FOXP1: variants seen among roughly 807,000 people sequenced by gnomAD.
FOXP1 encodes forkhead box protein P1.
FOXP1 carries 15 observed loss-of-function variants against 98.2 expected under a neutral mutation model. That is an observed-to-expected ratio of 0.15 (90% CI 0.10 to 0.24). FOXP1 has a LOEUF of 0.24. FOXP1 is among the 10% of genes least tolerant of loss of function. The probability of loss-of-function intolerance (pLI) is 1.00; values close to 1 mark genes in which losing one functional copy is unlikely to be tolerated. For synonymous variants in FOXP1, 371 were observed against 314.5 expected (o/e 1.18, Z -1.90); for missense variants, 633 against 848.5 (o/e 0.75, Z 3.15).
intron 2 of FOXP1, among the ~76,000 whole-genome samples, chr3:71,565,194 G>C (rs2046818394): frequency 6.6e-6 from 1 of 152,156 alleles, no homozygotes; most frequent in Admixed American, 6.5e-5. Flanking sequence ...CCATAGTGGA[G>C]TGTTAGGGGT....
At chr3:71,179,291 G>A (rs1163685394) in intron 6 of FOXP1, among the ~76,000 whole-genome samples, 1 of 151,770 alleles carries the variant, frequency 6.6e-6, no homozygotes, top group African/African-American at 2.4e-5. Context: ...ACCACGCCCA[G>A]CTAATTTTTT....
intron 5 of FOXP1, among the ~76,000 whole-genome samples, chr3:71,251,863 G>T (rs1488310230): frequency 1.3e-5 from 2 of 152,186 alleles, no homozygotes; most frequent in African/African-American, 4.8e-5. Context: ...GGTCAAGTAT[G>T]AAGTGTTATC....
intron 12 of FOXP1, among the ~76,000 whole-genome samples, chr3:71,007,150 C>CTA (rs1333688968): frequency 1.3e-5 from 2 of 151,918 alleles, no homozygotes; most frequent in African/African-American, 4.8e-5. Context: ...TTTTATTTTT[C>CTA]TAAAACCAAT....
chr3:71,551,821 C>G (rs2045803251), intron 2 of FOXP1, among the ~76,000 whole-genome samples: 1 of 152,114 alleles, frequency 6.6e-6, no homozygotes, highest in Admixed American at 6.5e-5. Flanking sequence ...TAGTATAATT[C>G]ACATGGAAAG....
chr3:71,197,833 G>A (rs2063385031), intron 6 of FOXP1: 10 of 1,564,326 alleles, frequency 6.4e-6, no homozygotes, highest in Non-Finnish European at 7.9e-6. Context: ...ACAGGCTTAA[G>A]CCTGTTTTTC....
chr3:71,190,620 C>T (rs924119277), intron 6 of FOXP1, among the ~76,000 whole-genome samples: 2 of 124,884 alleles, frequency 1.6e-5, no homozygotes, highest in African/African-American at 3.3e-5. Context: ...CCTGGGTGAC[C>T]GAGCTAGACC....
chr3:71,350,052 G>A (rs562651941), intron 4 of FOXP1, among the ~76,000 whole-genome samples: 21 of 152,234 alleles, frequency 1.4e-4, no homozygotes, highest in East Asian at 5.8e-4. Flanking sequence ...CACTTATTAC[G>A]TATTTATTAA....
intron 4 of FOXP1, among the ~76,000 whole-genome samples, chr3:71,321,231 T>G (rs1363311167): frequency 6.6e-6 from 1 of 152,120 alleles, no homozygotes; most frequent in Non-Finnish European, 1.5e-5. Flanking sequence ...GTGGTCTGCT[T>G]AACTTCAGCT....
chr3:71,315,296 C>A (rs1259541737), intron 4 of FOXP1, among the ~76,000 whole-genome samples: 3 of 151,982 alleles, frequency 2.0e-5, no homozygotes, highest in African/African-American at 7.2e-5. Context: ...TTATCAGCAA[C>A]AGAAATTAAT....
chr3:71,420,489 A>G (rs574271834), intron 3 of FOXP1, among the ~76,000 whole-genome samples: 6 of 152,138 alleles, frequency 3.9e-5, no homozygotes, highest in Non-Finnish European at 5.9e-5. Context: ...TGTTCCTATC[A>G]TGGGACTCCT....
chr3:70,976,396 C>A (rs2107285814), intron 17 of FOXP1, among the ~76,000 whole-genome samples: 1 of 152,218 alleles, frequency 6.6e-6, no homozygotes, highest in South Asian at 2.1e-4. Context: ...AAACAAAAAC[C>A]CCTGCCCCTT....
rs566836271 is a variant in FOXP1 at position 71,458,594 on chromosome 3, T to C, written c.-168+34832A>G. Among the ~76,000 whole-genome samples, 22 of 152,336 alleles carry C rather than the reference T, an allele frequency of 1.4e-4. No individual in the cohort carries two copies. The East Asian group carries it at 3.9e-3, about 27-fold the overall frequency. ...GGTATGTGAGCAAAATAACAGAATA[T>C]AGCATTTACCTATCCATTTAGCAAA... is the stretch of plus-strand genomic sequence containing the variant. On this transcript the variant is annotated intron_variant, in intron 3 of 20. Coordinates refer to ENST00000649528, the MANE Select transcript of FOXP1 (RefSeq NM_001349338.3).
chr3:71,297,495 A>G (rs1184468763), intron 5 of FOXP1, among the ~76,000 whole-genome samples: 1 of 151,370 alleles, frequency 6.6e-6, no homozygotes, highest in East Asian at 1.9e-4. Flanking sequence ...ATTACAAAAA[A>G]AAAAAAAAAC....
intron 5 of FOXP1, among the ~76,000 whole-genome samples, chr3:71,203,893 G>C (rs1432872619): frequency 1.4e-5 from 2 of 148,132 alleles, no homozygotes; most frequent in Non-Finnish European, 3.0e-5. Flanking sequence ...AAAGGAAGAT[G>C]GCATGCAATT....
chr3:71,121,043 C>CT (rs35487973), intron 6 of FOXP1, among the ~76,000 whole-genome samples: 15,489 of 144,466 alleles, frequency 0.11, 1,740 homozygotes, highest in African/African-American at 0.29. Context: ...TTCTTTCTTT[C>CT]TTTTTTTTTT....
intron 3 of FOXP1, among the ~76,000 whole-genome samples, chr3:71,364,452 T>C (rs1302080256): frequency 6.6e-6 from 1 of 152,198 alleles, no homozygotes; most frequent in Non-Finnish European, 1.5e-5. Context: ...ACTGAGCTTC[T>C]AAGAAGTGAA....
At chr3:71,270,098 G>A (rs908791905) in intron 5 of FOXP1, among the ~76,000 whole-genome samples, 9 of 152,146 alleles carry the variant, frequency 5.9e-5, no homozygotes, top group African/African-American at 7.2e-5. Context: ...AAAATACAGC[G>A]AAGAAACTGC....
intron 6 of FOXP1, among the ~76,000 whole-genome samples, chr3:71,166,655 C>T (rs910040665): frequency 2.0e-5 from 3 of 152,138 alleles, no homozygotes; most frequent in African/African-American, 7.2e-5. Flanking sequence ...GTAAACAAAA[C>T]TTGAATAACA....
intron 5 of FOXP1, among the ~76,000 whole-genome samples, chr3:71,198,858 A>G (rs549059083): frequency 4.6e-4 from 70 of 151,824 alleles, no homozygotes; most frequent in African/African-American, 1.6e-3. Flanking sequence ...TGCCCGGCTA[A>G]TTTTTTGTGT....
Sources: allele counts gnomAD v4.1 joint callset (sites outside exome capture counted in the v4.1 genomes callset), GRCh38; gene constraint gnomAD v4.1.1; transcripts MANE v1.5; gene names NCBI Gene and HGNC (gene_info 2026-07-23, HGNC 2026-07-21).